KCNQ5: variants seen among roughly 807,000 people sequenced by gnomAD.
KCNQ5 encodes the protein potassium voltage-gated channel subfamily Q member 5.
In KCNQ5, 30 loss-of-function variants were observed where a neutral mutation model predicts 98.2. The ratio of observed to expected loss-of-function variants is 0.31; its 90% CI spans 0.23 to 0.41. The LOEUF is 0.41. Ranked by LOEUF, KCNQ5 falls within the 10% of genes least tolerant of loss-of-function variation. KCNQ5 has a pLI of 1.00. For synonymous variants in KCNQ5, 458 were observed against 449.4 expected, an observed-to-expected ratio of 1.02 and a Z score of -0.24; for missense variants, 835 against 1,182.5, an observed-to-expected ratio of 0.71 and a Z score of 4.31.
intron 1 of KCNQ5, among the ~76,000 whole-genome samples, chr6:72,912,096 A>G (rs1779964539): frequency 6.6e-6 from 1 of 152,136 alleles, no homozygotes; most frequent in Admixed American, 6.6e-5. Context: ...GCAGATTCAT[A>G]CCTGATGAGT....
At chr6:72,926,192 AG>A (rs1397452712) in intron 1 of KCNQ5, among the ~76,000 whole-genome samples, 1 of 152,092 alleles carries the variant, frequency 6.6e-6, no homozygotes, top group Admixed American at 6.6e-5. Flanking sequence ...AGGAACTACC[AG>A]AGATGGTGAT....
chr6:73,033,368 G>C (rs577195693), intron 2 of KCNQ5, among the ~76,000 whole-genome samples: 6 of 152,044 alleles, frequency 3.9e-5, no homozygotes, highest in Non-Finnish European at 8.8e-5. Context: ...AAGAACCTCT[G>C]GGATAAATGA....
chr6:72,666,576 A>G (rs1447836956), intron 1 of KCNQ5, among the ~76,000 whole-genome samples: 1 of 152,132 alleles, frequency 6.6e-6, no homozygotes, highest in Non-Finnish European at 1.5e-5. Context: ...AAATGACTTA[A>G]TGTATTGAAA....
chr6:72,755,759 AT>A (rs1214190657), intron 1 of KCNQ5, among the ~76,000 whole-genome samples: 1 of 152,230 alleles, frequency 6.6e-6, no homozygotes, highest in Non-Finnish European at 1.5e-5. Flanking sequence ...ATTTTTAAAA[AT>A]ATCCTTTATA....
At chr6:73,109,524 G>A (rs1439161511) in intron 6 of KCNQ5, among the ~76,000 whole-genome samples, 1 of 152,014 alleles carries the variant, frequency 6.6e-6, no homozygotes, top group Non-Finnish European at 1.5e-5. Context: ...TAGTATTAAA[G>A]GGAAAATAAA....
chr6:72,793,757 A>C (rs1774183661), intron 1 of KCNQ5, among the ~76,000 whole-genome samples: 1 of 152,264 alleles, frequency 6.6e-6, no homozygotes, highest in Non-Finnish European at 1.5e-5. Flanking sequence ...AGAAAGAAGC[A>C]GGAAACGGAG....
At chr6:72,985,958 T>C (rs1037389460) in intron 1 of KCNQ5, among the ~76,000 whole-genome samples, 1 of 152,054 alleles carries the variant, frequency 6.6e-6, no homozygotes, top group Non-Finnish European at 1.5e-5. Flanking sequence ...AGGCTAGGTA[T>C]GGTGGCTCAT....
At chr6:72,965,544 C>G (rs1165815912) in intron 1 of KCNQ5, among the ~76,000 whole-genome samples, 5 of 152,122 alleles carry the variant, frequency 3.3e-5, no homozygotes, top group African/African-American at 1.2e-4. Context: ...AACATTTCAT[C>G]GTGAACTATT....
intron 1 of KCNQ5, among the ~76,000 whole-genome samples, chr6:72,801,805 C>G (rs1774675068): frequency 1.3e-5 from 2 of 151,856 alleles, no homozygotes; most frequent in Non-Finnish European, 2.9e-5. Context: ...TTCAGGAGCT[C>G]TTTTAGGGCA....
intron 2 of KCNQ5, among the ~76,000 whole-genome samples, chr6:73,029,904 C>CAAAAA (rs56804434): frequency 3.7e-4 from 29 of 78,560 alleles, no homozygotes; most frequent in African/African-American, 4.7e-4. Context: ...GACTCCGTCT[C>CAAAAA]AAAAAAAAAA....
chr6:72,761,200 T>A (rs1395582465), intron 1 of KCNQ5, among the ~76,000 whole-genome samples: 2 of 152,156 alleles, frequency 1.3e-5, no homozygotes, highest in Non-Finnish European at 2.9e-5. Flanking sequence ...AATGATGAAC[T>A]TATTTCTTTT....
intron 10 of KCNQ5, among the ~76,000 whole-genome samples, chr6:73,149,476 C>T (rs1562207141): frequency 6.6e-6 from 1 of 152,086 alleles, no homozygotes; most frequent in Non-Finnish European, 1.5e-5. Context: ...TGTTCTTAGG[C>T]TTGACAACAA....
rs1027141413 is a variant in KCNQ5 at position 73,025,359 on chromosome 6, C to T, written c.490-16577C>T. On this transcript the variant is annotated intron_variant, in intron 2 of 13. Coordinates refer to ENST00000370398, the MANE Select transcript of KCNQ5 (RefSeq NM_019842.4). The stretch of plus-strand genomic sequence containing the variant: ...CACTTCAGCCGGGAGAGGTGGCTCA[C>T]GCCTGTAATCCCAGAACTTTGGGAG... Among the ~76,000 whole-genome samples, 9 of 152,290 alleles carry T rather than the reference C, an allele frequency of 5.9e-5. No homozygotes were observed. In the East Asian group the frequency reaches 1.4e-3, roughly 23 times the overall value.
intron 5 of KCNQ5, among the ~76,000 whole-genome samples, chr6:73,095,504 T>C (rs74936317): frequency 0.017 from 2,591 of 152,262 alleles, 76 homozygotes; most frequent in African/African-American, 0.058. Context: ...AACTTTGTTT[T>C]GTCATATTAA....
chr6:73,185,164 T>C (rs755515181), intron 11 of KCNQ5, among the ~76,000 whole-genome samples: 9 of 152,216 alleles, frequency 5.9e-5, no homozygotes, highest in Non-Finnish European at 1.2e-4. Context: ...GTTGGAATCA[T>C]AAAAATTTCT....
At chr6:72,878,674 C>T (rs952051617) in intron 1 of KCNQ5, among the ~76,000 whole-genome samples, 6 of 152,088 alleles carry the variant, frequency 3.9e-5, no homozygotes, top group Non-Finnish European at 8.8e-5. Context: ...AATGACTGAG[C>T]TGGGAGAGAT....
At chr6:72,909,008 T>C (rs977549648) in intron 1 of KCNQ5, among the ~76,000 whole-genome samples, 7 of 152,186 alleles carry the variant, frequency 4.6e-5, no homozygotes, top group African/African-American at 1.7e-4. Flanking sequence ...AATATATGCA[T>C]ATAATTTAAT....
At chr6:72,663,515 T>A (rs1302037007) in intron 1 of KCNQ5, among the ~76,000 whole-genome samples, 1 of 152,272 alleles carries the variant, frequency 6.6e-6, no homozygotes, top group East Asian at 1.9e-4. Flanking sequence ...AAGTCACACT[T>A]CTCTAAAATT....
rs1245526032 is a variant in KCNQ5 at position 72,994,244 on chromosome 6, C to T, written c.399-9664C>T. Among the ~76,000 whole-genome samples the T allele has an allele frequency of 3.6e-3, 261 of 72,510 alleles. 2 individuals are homozygous for T. The highest frequency in any genetic ancestry group is 0.018 in the African/African-American group (243 of 13,802). The allele number at this position is 72,510 out of a possible 152,430, so 47.6% of individuals were successfully genotyped here. A position where few individuals can be genotyped will look rare whatever the true frequency, so the allele number is the denominator to read the frequency against. Reference sequence around the variant, plus strand: ...CTAAGCAAGCCTGGGCAATGGCGGGCGCCCCTCCCCCAGCCTCGTTGCCGC... The same window carrying T: ...CTAAGCAAGCCTGGGCAATGGCGGGTGCCCCTCCCCCAGCCTCGTTGCCGC... On this transcript the variant is annotated intron_variant, in intron 1 of 13. Transcript: ENST00000370398.
Sources: gnomAD v4.1 joint callset for allele counts (sites outside exome capture counted in the v4.1 genomes callset) on GRCh38, gnomAD v4.1.1 for gene constraint, MANE v1.5 for transcripts, NCBI Gene and HGNC (gene_info 2026-07-23, HGNC 2026-07-21) for gene names.